VTI1A: variants seen among roughly 807,000 people sequenced by gnomAD.
VTI1A encodes vesicle transport through interaction with t-SNAREs homolog 1A.
VTI1A carries 22 observed loss-of-function variants against 34.9 expected under a neutral mutation model. The ratio of observed to expected loss-of-function variants is 0.63; its 90% CI spans 0.45 to 0.90. The LOEUF is 0.90. Ranked by LOEUF, VTI1A falls within the 40% of genes least tolerant of loss-of-function variation. The pLI, the probability that VTI1A is intolerant of heterozygous loss-of-function variation, is 0.00. For synonymous variants in VTI1A, 87 were observed against 97.3 expected, an observed-to-expected ratio of 0.89 and a Z score of 0.62; for missense variants, 268 against 275.6, an observed-to-expected ratio of 0.97 and a Z score of 0.20.
intron 7 of VTI1A, among the ~76,000 whole-genome samples, chr10:112,752,201 A>C (rs1180499767): frequency 6.6e-6 from 1 of 152,214 alleles, no homozygotes; most frequent in Non-Finnish European, 1.5e-5. Flanking sequence ...AGGGTTGCAG[A>C]TGCTAATGAC....
chr10:112,589,197 A>C (rs143624059), intron 5 of VTI1A, among the ~76,000 whole-genome samples: 236 of 152,138 alleles, frequency 1.6e-3, no homozygotes, highest in Non-Finnish European at 2.6e-3. Context: ...TCCCCACCCA[A>C]ATCTCATCTT....
At chr10:112,573,469 T>C (rs1852215859) in intron 5 of VTI1A, among the ~76,000 whole-genome samples, 1 of 152,178 alleles carries the variant, frequency 6.6e-6, no homozygotes, top group Admixed American at 6.5e-5. Context: ...AAAATGACAA[T>C]GGTATTTGCA....
the VTI1A span, chr10:112,831,331 ACTTTCCTC>A: frequency 6.6e-6 from 1 of 152,274 alleles, no homozygotes; most frequent in Non-Finnish European, 1.5e-5. Flanking sequence ...CGTGGGATCC[ACTTTCCTC>A]CTGGACAAGA....
chr10:112,675,510 G>A (rs548929184), intron 7 of VTI1A, among the ~76,000 whole-genome samples: 1 of 152,196 alleles, frequency 6.6e-6, no homozygotes, highest in Non-Finnish European at 1.5e-5. Flanking sequence ...CTCAGCTGCA[G>A]CTACTGTATG....
At chr10:112,606,651 A>G (rs1184918325) in intron 5 of VTI1A, among the ~76,000 whole-genome samples, 3 of 152,080 alleles carry the variant, frequency 2.0e-5, no homozygotes, top group African/African-American at 7.2e-5. Context: ...TTCATATTAC[A>G]TGTCTAGGAC....
At chr10:112,563,501 T>C (rs1468418949) in intron 5 of VTI1A, among the ~76,000 whole-genome samples, 1 of 152,200 alleles carries the variant, frequency 6.6e-6, no homozygotes. Flanking sequence ...GTTCTTCCCA[T>C]AGGTCCTCTC....
intron 7 of VTI1A, among the ~76,000 whole-genome samples, chr10:112,795,703 C>T (rs867373366): frequency 2.4e-4 from 37 of 152,252 alleles, no homozygotes; most frequent in African/African-American, 8.7e-4. Flanking sequence ...TCCCAAAGTG[C>T]TTAATTACAG....
intron 7 of VTI1A, among the ~76,000 whole-genome samples, chr10:112,733,440 C>G (rs1850340298): frequency 6.6e-6 from 1 of 152,094 alleles, no homozygotes; most frequent in African/African-American, 2.4e-5. Context: ...ATATTTCATA[C>G]AAATAGAAGC....
At position 112,792,445 on chromosome 10, in the gene VTI1A, G is replaced by A. The variant is rs116547734; in HGVS notation, c.561-22845G>A. On this transcript the variant is annotated intron_variant, in intron 7 of 7. Transcript: ENST00000393077. ...CAGCCCAGCAGCCCACCTGGGACCC[G>A]AGCCTGGCTCTCACCTTAGTACCAC... Among the ~76,000 whole-genome samples, 785 of 152,128 alleles carry A rather than the reference G, an allele frequency of 5.2e-3. 4 individuals carry two copies. The highest frequency in any genetic ancestry group is 0.017 in the African/African-American group (725 of 41,496).
intron 7 of VTI1A, 143 bp downstream of exon 7, chr10:112,669,141 G>C: frequency 1.2e-6 from 1 of 860,510 alleles, no homozygotes; most frequent in Non-Finnish European, 1.8e-6. Flanking sequence ...AAATAACAGA[G>C]CACTGATGTT....
chr10:112,829,368 C>T, the VTI1A span, among the ~76,000 whole-genome samples: 346 of 150,550 alleles, frequency 2.3e-3, 1 homozygote, highest in East Asian at 0.024. Flanking sequence ...GGCATGAACC[C>T]GGGAGGTGGA....
intron 3 of VTI1A, among the ~76,000 whole-genome samples, chr10:112,504,102 C>T (rs1222456160): frequency 6.6e-6 from 1 of 152,116 alleles, no homozygotes; most frequent in African/African-American, 2.4e-5. Context: ...AAAATACAAC[C>T]TGAAGTTCTT....
intron 5 of VTI1A, among the ~76,000 whole-genome samples, chr10:112,551,243 C>CAAAA (rs1161935841): frequency 1.8e-4 from 4 of 22,056 alleles, no homozygotes; most frequent in Admixed American, 1.0e-3. Context: ...TACTCCATCT[C>CAAAA]AAAAAAAAAA....
intron 7 of VTI1A, among the ~76,000 whole-genome samples, chr10:112,736,529 G>A (rs959582618): frequency 6.6e-6 from 1 of 152,190 alleles, no homozygotes; most frequent in African/African-American, 2.4e-5. Flanking sequence ...AGTTAGGTTG[G>A]TTGGGACAAG....
chr10:112,710,374 C>T (rs2133919320), intron 7 of VTI1A, among the ~76,000 whole-genome samples: 1 of 151,858 alleles, frequency 6.6e-6, no homozygotes, highest in South Asian at 2.1e-4. Flanking sequence ...CGCTGCCTAA[C>T]TTTTGTATTT....
intron 7 of VTI1A, among the ~76,000 whole-genome samples, chr10:112,760,861 C>A (rs1395717854): frequency 2.8e-5 from 4 of 144,658 alleles, no homozygotes; most frequent in Non-Finnish European, 6.0e-5. Flanking sequence ...TGCATTCCAG[C>A]CTGGGTGACA....
intron 7 of VTI1A, among the ~76,000 whole-genome samples, chr10:112,707,373 G>A (rs755086141): frequency 1.3e-5 from 2 of 151,754 alleles, no homozygotes; most frequent in East Asian, 1.9e-4. Flanking sequence ...TCGCTCTATC[G>A]CCCAGACTGG....
chr10:112,666,401 G>C (rs1169505577), intron 5 of VTI1A, among the ~76,000 whole-genome samples: 1 of 152,154 alleles, frequency 6.6e-6, no homozygotes, highest in Non-Finnish European at 1.5e-5. Flanking sequence ...GATGTGCTTT[G>C]AAACACAAAT....
chr10:112,757,497 G>A (rs555284181), intron 7 of VTI1A, among the ~76,000 whole-genome samples: 6 of 150,014 alleles, frequency 4.0e-5, no homozygotes, highest in South Asian at 2.1e-4. Flanking sequence ...TGATTCTCCC[G>A]CCTCAGCCTC....
Sources: gnomAD v4.1 joint callset for allele counts (sites outside exome capture counted in the v4.1 genomes callset) on GRCh38, gnomAD v4.1.1 for gene constraint, MANE v1.5 for transcripts, NCBI Gene and HGNC (gene_info 2026-07-23, HGNC 2026-07-21) for gene names.